UGT1A3: variants seen among roughly 807,000 people sequenced by gnomAD.
UGT1A3 encodes UDP glucuronosyltransferase family 1 member A3.
UGT1A3 carries 31 observed loss-of-function variants against 41.0 expected under a neutral mutation model. The ratio of observed to expected loss-of-function variants is 0.76; its 90% CI spans 0.57 to 1.02. The LOEUF is 1.02. Ranked by LOEUF, UGT1A3 falls within the 50% of genes least tolerant of loss-of-function variation. The probability of loss-of-function intolerance (pLI) is 0.00; values close to 1 mark genes in which losing one functional copy is unlikely to be tolerated. For missense variants in UGT1A3, 737 were observed against 671.0 expected, an observed-to-expected ratio of 1.10 and a Z score of -1.09; for synonymous variants, 262 against 257.6, an observed-to-expected ratio of 1.02 and a Z score of -0.17.
chr2:233,768,152 A>G, intron 3 of UGT1A3, 68 bp from the exon 4 acceptor site: 1 of 1,612,626 alleles, frequency 6.2e-7, no homozygotes, highest in Non-Finnish European at 8.5e-7. Flanking sequence ...TGTTTTCAGA[A>G]CCTAGATGTG....
At chr2:233,754,136 G>C in intron 1 of UGT1A3, among the ~76,000 whole-genome samples, 1 of 152,154 alleles carries the variant, frequency 6.6e-6, no homozygotes, top group Non-Finnish European at 1.5e-5. Flanking sequence ...GCAATTAAAA[G>C]CCATCATTAA....
At chr2:233,732,694 G>A (rs2078300923) in intron 1 of UGT1A3, among the ~76,000 whole-genome samples, 1 of 150,038 alleles carries the variant, frequency 6.7e-6, no homozygotes, top group Non-Finnish European at 1.5e-5. Flanking sequence ...CACCCATGCT[G>A]TTTTGTTACT....
intron 1 of UGT1A3, chr2:233,754,902 A>G: frequency 7.4e-7 from 1 of 1,352,320 alleles, no homozygotes. Flanking sequence ...CTGACCCCCC[A>G]AAATATTCTC....
Position 233,742,350 on chromosome 2 carries a change from T to G in UGT1A3, c.867+12357T>G, listed in dbSNP as rs566927246. On this transcript the variant is annotated intron_variant, in intron 1 of 4. Transcript: ENST00000482026. ...CAAAGGGATGGGCTCTGGCTAATTATCTGCAGCAGAAACATGTCCTTAAGG... is the reference window on the plus strand; with the variant it reads ...CAAAGGGATGGGCTCTGGCTAATTAGCTGCAGCAGAAACATGTCCTTAAGG... Among the ~76,000 whole-genome samples, 10 of 152,136 alleles carry G rather than the reference T, an allele frequency of 6.6e-5. No homozygotes were observed. The East Asian group carries it at 9.6e-4, about 15-fold the overall frequency.
Position 233,729,112 on chromosome 2 carries a change from G to T in UGT1A3, c.-15G>T. 1 of 1,612,932 alleles carries T rather than the reference G, an allele frequency of 6.2e-7. No homozygotes were observed. The highest frequency in any genetic ancestry group is 1.1e-5 in the South Asian group (1 of 91,014). On this transcript the variant is annotated 5_prime_UTR_variant, in exon 1 of 5. Coordinates refer to ENST00000482026, the MANE Select transcript of UGT1A3 (RefSeq NM_019093.4). The stretch of plus-strand genomic sequence containing the variant: ...GCGTGGGGTGGACAGTCAGCTGTCC[G>T]TGTCTTCTGCTGAGATGGCCACAGG...
At position 233,768,160 on chromosome 2, in the gene UGT1A3, G is replaced by A. The variant is rs35295390; in HGVS notation, c.1088-60G>A. The A allele has an allele frequency of 1.5e-4, 241 of 1,613,276 alleles. 1 individual carries two copies. The African/African-American group carries it at 2.5e-3, about 17-fold the overall frequency. ...TTTGGAGTGTTTTCAGAACCTAGAT[G>A]TGTCCAGCTGTGAAACTCAGAGATG... On this transcript the variant is annotated intron_variant, in intron 3 of 4. Coordinates refer to ENST00000482026, the MANE Select transcript of UGT1A3 (RefSeq NM_019093.4).
chr2:233,766,838 C>T (rs906628829), intron 1 of UGT1A3, among the ~76,000 whole-genome samples, 196 bp from the exon 2 acceptor site: 1 of 152,156 alleles, frequency 6.6e-6, no homozygotes, highest in Non-Finnish European at 1.5e-5. Flanking sequence ...TAAGCAGGAA[C>T]CCTTCCTCCT....
chr2:233,738,126 G>C (rs1690706734), intron 1 of UGT1A3, among the ~76,000 whole-genome samples: 1 of 152,046 alleles, frequency 6.6e-6, no homozygotes, highest in Non-Finnish European at 1.5e-5. Flanking sequence ...TTTTATAAGG[G>C]GCCCTTATCC....
chr2:233,755,023 AG>A (rs1475271740), intron 1 of UGT1A3: 1 of 1,305,718 alleles, frequency 7.7e-7, no homozygotes, highest in African/African-American at 1.5e-5. Context: ...GGGTCCTTGA[AG>A]GGCCTGCCGC....
intron 1 of UGT1A3, among the ~76,000 whole-genome samples, chr2:233,737,662 C>T (rs972377767): frequency 1.3e-5 from 2 of 152,186 alleles, no homozygotes; most frequent in East Asian, 1.9e-4. Flanking sequence ...AGCTGCAGAT[C>T]GGAGCTGTTC....
intron 1 of UGT1A3, chr2:233,755,162 G>C: frequency 2.3e-6 from 3 of 1,279,936 alleles, no homozygotes; most frequent in Non-Finnish European, 3.2e-6. Context: ...CCCTGTCCTC[G>C]GGGTTTTTGT....
intron 1 of UGT1A3, among the ~76,000 whole-genome samples, chr2:233,746,557 T>G (rs1301694420): frequency 6.6e-6 from 1 of 151,810 alleles, no homozygotes; most frequent in Non-Finnish European, 1.5e-5. Flanking sequence ...TCTTAGCCCC[T>G]AGAGCACCAC....
chr2:233,762,662 A>G (rs1559409315), intron 1 of UGT1A3, among the ~76,000 whole-genome samples: 1 of 152,070 alleles, frequency 6.6e-6, no homozygotes, highest in Non-Finnish European at 1.5e-5. Flanking sequence ...TTTGTAGTTT[A>G]AAAAACATTT....
chr2:233,747,369 G>C lies in UGT1A3; in HGVS notation c.867+17376G>C, dbSNP rs1248922678. On this transcript the variant is annotated intron_variant, in intron 1 of 4. Coordinates refer to ENST00000482026, the MANE Select transcript of UGT1A3 (RefSeq NM_019093.4). ...GCGGGAGGCCGTGCGGGAGCTCCAT[G>C]CCAGAGGCCACCAGGCGGTGGTCCT... 94 of 1,604,318 alleles carry C rather than the reference G, an allele frequency of 5.9e-5. 1 individual carries two copies. Among genetic ancestry groups the C allele is most frequent in the South Asian group, 2.1e-4 (19 of 90,452 alleles).
chr2:233,731,547 T>C (rs548605747), intron 1 of UGT1A3, among the ~76,000 whole-genome samples: 5 of 152,336 alleles, frequency 3.3e-5, no homozygotes, highest in African/African-American at 1.2e-4. Flanking sequence ...TGGTTTTCTG[T>C]CCATGTGATA....
intron 1 of UGT1A3, chr2:233,747,298 G>T: frequency 6.2e-7 from 1 of 1,602,264 alleles, no homozygotes; most frequent in Non-Finnish European, 8.5e-7. Flanking sequence ...GGCTGAGAGT[G>T]GGAAGGTGCT....
Position 233,760,863 on chromosome 2 carries a change from C to T in UGT1A3, c.868-6171C>T, listed in dbSNP as rs764242339. On this transcript the variant is annotated intron_variant, in intron 1 of 4. Coordinates refer to ENST00000482026, the MANE Select transcript of UGT1A3 (RefSeq NM_019093.4). ...CCCAGTGCCCCAACCCATTCTCCTA[C>T]GTGCCCAGGCCTCTCTCCTCTCATT... The T allele has an allele frequency of 8.1e-6, 13 of 1,614,016 alleles. No homozygotes were observed. Among genetic ancestry groups the T allele is most frequent in the South Asian group, 4.4e-5 (4 of 91,088 alleles).
intron 1 of UGT1A3, among the ~76,000 whole-genome samples, chr2:233,751,671 A>T (rs1207862608): frequency 6.6e-6 from 1 of 152,074 alleles, no homozygotes; most frequent in Admixed American, 6.6e-5. Context: ...GTGAGTTCTA[A>T]TGAGAGCTGA....
chr2:233,770,389 C>T (rs1188448895), intron 4 of UGT1A3: 4 of 152,212 alleles, frequency 2.6e-5, no homozygotes, highest in African/African-American at 4.8e-5. Flanking sequence ...TACGGTGGCT[C>T]ATGCCTGTAG....
Sources: gnomAD v4.1 joint callset for allele counts (sites outside exome capture counted in the v4.1 genomes callset) on GRCh38, gnomAD v4.1.1 for gene constraint, MANE v1.5 for transcripts, NCBI Gene and HGNC (gene_info 2026-07-23, HGNC 2026-07-21) for gene names.